COL22A1: variants seen among roughly 807,000 people sequenced by gnomAD.
The protein encoded by COL22A1 is collagen type XXII alpha 1 chain.
A neutral mutation model predicts 248.9 loss-of-function variants in COL22A1; 221 were observed. The observed-to-expected ratio is 0.89, with a 90% CI of 0.80 to 0.99. The LOEUF is 0.99. COL22A1 is among the 50% of genes least tolerant of loss of function. The probability of loss-of-function intolerance (pLI) is 0.00; values close to 1 mark genes in which losing one functional copy is unlikely to be tolerated. For synonymous variants in COL22A1, 891 were observed against 793.4 expected (o/e 1.12, Z -2.07); for missense variants, 2,240 against 2,179.0 (o/e 1.03, Z -0.56).
intron 12 of COL22A1, among the ~76,000 whole-genome samples, chr8:138,796,363 AT>A (rs1429614383): frequency 2.4e-5 from 1 of 41,554 alleles, no homozygotes; most frequent in Non-Finnish European, 5.6e-5. Context: ...ATGATGAGTA[AT>A]TTTTTTCTCT....
Position 138,613,859 on chromosome 8 carries a change from A to AAACTCACC in COL22A1, c.3978_3978+7dup. 6.2e-7 allele frequency: 1 copy of AAACTCACC among 1,613,504 alleles called. No homozygotes were observed. The highest frequency in any genetic ancestry group is 8.5e-7 in the Non-Finnish European group (1 of 1,179,370). On this transcript the variant is annotated splice_region_variant and intron_variant, in intron 56 of 64. Transcript: ENST00000303045. ...CATGAAGCACATTAGTCGCAAAGCA[A>AAACTCACC]AACTCACCGGTGGGCCCCTTGGTCC...
chr8:138,749,310 G>C (rs1056555947), intron 22 of COL22A1, among the ~76,000 whole-genome samples: 1 of 152,162 alleles, frequency 6.6e-6, no homozygotes, highest in South Asian at 2.1e-4. Context: ...TGGGCAAGAT[G>C]TTCCCTCCTT....
chr8:138,790,786 T>C (rs1294225205), intron 12 of COL22A1, among the ~76,000 whole-genome samples: 1 of 152,190 alleles, frequency 6.6e-6, no homozygotes, highest in Non-Finnish European at 1.5e-5. Flanking sequence ...AGTAGGAACA[T>C]ACCTTCTTTC....
At position 138,689,081 on chromosome 8, in the gene COL22A1, A is replaced by G. The variant is rs180826340; in HGVS notation, c.2809-111T>C. 1.2e-4 allele frequency: 97 copies of G among 817,682 alleles called. No individual in the cohort carries two copies. The African/African-American group carries it at 1.4e-3, about 11-fold the overall frequency. 50.7% of individuals were successfully genotyped at this position (817,682 alleles called of 1,614,324 possible). A position where few individuals can be genotyped will look rare whatever the true frequency, so the allele number is the denominator to read the frequency against. On this transcript the variant is annotated intron_variant, in intron 36 of 64. Transcript: ENST00000303045. ...AGGTCCCCCTGAAGTCAACGACTAC[A>G]GCTCCCACCCAATTCCCATACTTTA...
intron 6 of COL22A1, among the ~76,000 whole-genome samples, chr8:138,824,172 T>C (rs1819388304): frequency 6.6e-6 from 1 of 152,172 alleles, no homozygotes; most frequent in Non-Finnish European, 1.5e-5. Flanking sequence ...TTAAACATGG[T>C]CTTCTATTTC....
At chr8:138,883,450 C>T (rs1222484939) in intron 1 of COL22A1, among the ~76,000 whole-genome samples, 1 of 152,216 alleles carries the variant, frequency 6.6e-6, no homozygotes, top group Non-Finnish European at 1.5e-5. Context: ...CTGGATCCCC[C>T]CAGCCATCCA....
intron 30 of COL22A1, among the ~76,000 whole-genome samples, chr8:138,710,241 C>G (rs1475724088): frequency 6.6e-6 from 1 of 152,158 alleles, no homozygotes; most frequent in East Asian, 1.9e-4. Context: ...CTGAGCTGCT[C>G]CACGCAAGAC....
chr8:138,883,590 C>T (rs563576788), intron 1 of COL22A1, among the ~76,000 whole-genome samples: 2 of 152,286 alleles, frequency 1.3e-5, no homozygotes, highest in East Asian at 1.9e-4. Context: ...CCCCACGTGT[C>T]GAGGGAGGGA....
intron 23 of COL22A1, among the ~76,000 whole-genome samples, chr8:138,726,490 T>C (rs539018481): frequency 1.6e-3 from 118 of 72,032 alleles, no homozygotes; most frequent in African/African-American, 6.9e-3. Flanking sequence ...AGCAATATCC[T>C]GTATCTACAA....
chr8:138,632,462 A>T (rs1359004388), intron 49 of COL22A1, among the ~76,000 whole-genome samples: 2 of 152,224 alleles, frequency 1.3e-5, no homozygotes, highest in Non-Finnish European at 2.9e-5. Context: ...GTCCACCCAC[A>T]ACAAGGAATC....
At chr8:138,696,094 T>C (rs990924963) in intron 32 of COL22A1, among the ~76,000 whole-genome samples, 2 of 152,202 alleles carry the variant, frequency 1.3e-5, no homozygotes, top group Admixed American at 6.5e-5. Flanking sequence ...TGAAGGTCAA[T>C]GGTACAGAGA....
intron 61 of COL22A1, among the ~76,000 whole-genome samples, chr8:138,598,439 G>A (rs150133770): frequency 1.3e-5 from 2 of 152,240 alleles, no homozygotes; most frequent in African/African-American, 2.4e-5. Flanking sequence ...TCATTACCAC[G>A]AGGAAGAGGG....
intron 1 of COL22A1, among the ~76,000 whole-genome samples, chr8:138,901,803 C>T (rs991778012): frequency 6.6e-6 from 1 of 152,112 alleles, no homozygotes; most frequent in African/African-American, 2.4e-5. Flanking sequence ...CCTTCATGGG[C>T]TGGCTTGCAC....
At chr8:138,668,410 A>G (rs58020599) in intron 41 of COL22A1, among the ~76,000 whole-genome samples, 6,015 of 152,242 alleles carry the variant, frequency 0.04, 331 homozygotes, top group African/African-American at 0.13. Context: ...ACACACACAC[A>G]CATGCACATA....
At chr8:138,792,106 C>T (rs1029367421) in intron 12 of COL22A1, among the ~76,000 whole-genome samples, 1 of 152,094 alleles carries the variant, frequency 6.6e-6, no homozygotes, top group Non-Finnish European at 1.5e-5. Flanking sequence ...ACATTTTGCC[C>T]CCATTTCATT....
At chr8:138,660,736 A>G (rs1418585944) in intron 43 of COL22A1, among the ~76,000 whole-genome samples, 1 of 152,172 alleles carries the variant, frequency 6.6e-6, no homozygotes, top group Non-Finnish European at 1.5e-5. Flanking sequence ...CTAAACACAA[A>G]ACTAAAAACA....
At chr8:138,886,115 C>T (rs948049843) in intron 1 of COL22A1, among the ~76,000 whole-genome samples, 2 of 152,212 alleles carry the variant, frequency 1.3e-5, no homozygotes, top group Non-Finnish European at 2.9e-5. Context: ...CCCCGTATCA[C>T]CTTCTCCCCT....
intron 4 of COL22A1, 53 bp downstream of exon 4, chr8:138,844,031 C>T: frequency 2.0e-6 from 3 of 1,512,558 alleles, no homozygotes; most frequent in Non-Finnish European, 1.8e-6. Context: ...CATGCTCAGG[C>T]TCAGCAAATC....
At chr8:138,618,076 G>C (rs1406949427) in intron 53 of COL22A1, among the ~76,000 whole-genome samples, 1 of 152,180 alleles carries the variant, frequency 6.6e-6, no homozygotes, top group Non-Finnish European at 1.5e-5. Context: ...CCAACTGAGA[G>C]AGTGCCTGTC....
Sources: gnomAD v4.1 joint callset for allele counts (sites outside exome capture counted in the v4.1 genomes callset) on GRCh38, gnomAD v4.1.1 for gene constraint, MANE v1.5 for transcripts, NCBI Gene and HGNC (gene_info 2026-07-23, HGNC 2026-07-21) for gene names.